ZNF354C: variants seen among roughly 807,000 people sequenced by gnomAD.
ZNF354C encodes the protein zinc finger protein 354C.
Under a neutral mutation model 12.4 loss-of-function variants are expected in ZNF354C, and 7 were observed. The observed-to-expected ratio is 0.56, with a 90% confidence interval of 0.32 to 1.06. The LOEUF (loss-of-function observed/expected upper bound fraction) is 1.06, where lower values mean the gene tolerates loss of function less well. Among genes scored for constraint, ZNF354C ranks in the 50% least tolerant of loss-of-function variants. ZNF354C has a pLI of 0.04. For synonymous variants in ZNF354C, 202 were observed against 224.5 expected (o/e 0.90, Z 0.90); for missense variants, 609 against 658.0 (o/e 0.93, Z 0.81).
In ZNF354C at chr5:179,062,112, G is replaced by A. The variant is rs750457998; in HGVS notation, c.27+17G>A. ...TCTGCTCAGGTGAGAGTGAGTGAAGGTTGTCTTTTTCATCAGTTGGCTTCT... is the reference window on the plus strand; with the variant it reads ...TCTGCTCAGGTGAGAGTGAGTGAAGATTGTCTTTTTCATCAGTTGGCTTCT... On this transcript the variant is annotated intron_variant, in intron 2 of 4. Coordinates refer to ENST00000315475, the MANE Select transcript of ZNF354C (RefSeq NM_014594.3). 6.2e-7 allele frequency: 1 copy of A among 1,614,130 alleles called. No individual in the cohort carries two copies.
At chr5:179,078,500 C>A (rs888276741) in intron 4 of ZNF354C, among the ~76,000 whole-genome samples, 183 bp from the exon 5 acceptor site, 1 of 152,182 alleles carries the variant, frequency 6.6e-6, no homozygotes, top group Non-Finnish European at 1.5e-5. Context: ...CCATGCCATT[C>A]CTTAACCTGT....
chr5:179,072,859 ATG>A (rs371678485), intron 2 of ZNF354C, among the ~76,000 whole-genome samples: 238 of 152,282 alleles, frequency 1.6e-3, no homozygotes, highest in African/African-American at 5.4e-3. Context: ...TATATGTTGT[ATG>A]TGTGTGTATG....
intron 2 of ZNF354C, among the ~76,000 whole-genome samples, chr5:179,066,117 T>C (rs2113109012): frequency 6.6e-6 from 1 of 152,380 alleles, no homozygotes; most frequent in East Asian, 1.9e-4. Context: ...AACATTCATT[T>C]ATATCAGTAT....
chr5:179,082,235 A>G lies in ZNF354C; in HGVS notation c.*2138A>G, dbSNP rs887452055. Reference sequence around the variant, plus strand: ...CAGTGAGATTTGGCTATCAAACTGCATTTCACTACTTCTGGAATAAGCCAG... The same window carrying G: ...CAGTGAGATTTGGCTATCAAACTGCGTTTCACTACTTCTGGAATAAGCCAG... On this transcript the variant is annotated 3_prime_UTR_variant, in exon 5 of 5. Coordinates refer to ENST00000315475, the MANE Select transcript of ZNF354C (RefSeq NM_014594.3). The G allele has an allele frequency of 6.5e-6, 1 of 154,548 alleles. No homozygotes were observed. The highest frequency in any genetic ancestry group is 2.4e-5 in the African/African-American group (1 of 41,470). 9.6% of individuals were successfully genotyped at this position (154,548 alleles called of 1,614,324 possible). A position where few individuals can be genotyped will look rare whatever the true frequency, so the allele number is the denominator to read the frequency against.
Position 179,078,720 on chromosome 5 carries a change from T to C in ZNF354C, c.288T>C (p.His96=), listed in dbSNP as rs757558352. Reference sequence around the variant, plus strand: ...GGCTTGAAACAGAAGCATTGCCTCATAGACAGGACATTTTTATAGAAGAAA... The same window carrying C: ...GGCTTGAAACAGAAGCATTGCCTCACAGACAGGACATTTTTATAGAAGAAA... The part of the protein sequence containing the change: ...KTWLETEALP[H]RQDIFIEETS... Residue 96 remains histidine, a synonymous_variant, in exon 5 of 5, where the codon CAT becomes CAC. Transcript: ENST00000315475. 11 of 1,610,906 alleles carry C rather than the reference T, an allele frequency of 6.8e-6. No homozygotes were observed. The highest frequency in any genetic ancestry group is 2.2e-5 in the East Asian group (1 of 44,826).
At chr5:179,066,136 T>C (rs190495713) in intron 2 of ZNF354C, among the ~76,000 whole-genome samples, 91 of 152,346 alleles carry the variant, frequency 6.0e-4, no homozygotes, top group African/African-American at 2.0e-3. Flanking sequence ...ATGGCAACCA[T>C]GGATCTTTCT....
chr5:179,070,902 G>A (rs540766606), intron 2 of ZNF354C, among the ~76,000 whole-genome samples: 37 of 139,234 alleles, frequency 2.7e-4, no homozygotes, highest in Non-Finnish European at 5.1e-4. Flanking sequence ...AAGCTGGAGT[G>A]TAGTGGTGCG....
rs951925188 is a variant in ZNF354C, at chr5:179,082,999, C to T, written c.*2902C>T. 11 of 771,180 alleles carry T rather than the reference C, an allele frequency of 1.4e-5. No individual in the cohort carries two copies. The highest frequency in any genetic ancestry group is 2.5e-5 in the Non-Finnish European group (11 of 445,448). The allele number at this position is 771,180 out of a possible 1,614,324, so 47.8% of individuals were successfully genotyped here. ...AAGAGCTTCTTGCTATCCCCTACTTCATAGTTAATGAAGCCAAACTGATCT... is the reference window on the plus strand; with the variant it reads ...AAGAGCTTCTTGCTATCCCCTACTTTATAGTTAATGAAGCCAAACTGATCT... On this transcript the variant is annotated 3_prime_UTR_variant, in exon 5 of 5. Transcript: ENST00000315475.
At chr5:179,064,916 A>G (rs1342793233) in intron 2 of ZNF354C, among the ~76,000 whole-genome samples, 1 of 152,142 alleles carries the variant, frequency 6.6e-6, no homozygotes, top group Non-Finnish European at 1.5e-5. Flanking sequence ...TCTTTGCAAT[A>G]TTACATATTT....
chr5:179,079,338 T>C lies in ZNF354C; in HGVS notation c.906T>C (p.Cys302=), dbSNP rs747633768. The C allele has an allele frequency of 6.4e-5, 104 of 1,614,056 alleles. No homozygotes were observed. Among genetic ancestry groups the C allele is most frequent in the Admixed American group, 5.7e-4 (34 of 60,004 alleles). Residue 302 remains cysteine (C), a synonymous_variant, in exon 5 of 5, where the codon TGT becomes TGC. Coordinates refer to ENST00000315475, the MANE Select transcript of ZNF354C (RefSeq NM_014594.3). The surrounding 1 kb of genome is among the most constrained non-coding windows in gnomAD (Gnocchi z 4.2). ...RVHTGEKPYR[C]RECGKAFSQC... is the part of the protein sequence containing the mutation. Reference sequence around the variant, plus strand: ...ATACTGGAGAGAAACCGTATCGATGTAGGGAATGTGGTAAAGCCTTTAGCC... The same window carrying C: ...ATACTGGAGAGAAACCGTATCGATGCAGGGAATGTGGTAAAGCCTTTAGCC...
rs770709110 is a variant in ZNF354C at position 179,079,038 on chromosome 5, T to G, written c.606T>G (p.Asp202Glu). The stretch of plus-strand genomic sequence containing the variant: ...GGAAAGATTTTAAACAGAATTTTGA[T>G]CTCATGAAATGCTTCCAGATTTACC... ...TFGKDFKQNF[D>E]LMKCFQIYPG... The change falls in exon 5 of 5, where the codon GAT (aspartate) becomes GAG (glutamate). Residue 202 changes from aspartate (D) to glutamate (E), a missense_variant. Transcript: ENST00000315475. The surrounding 1 kb of genome is among the most constrained non-coding windows in gnomAD (Gnocchi z 4.2). The G allele has an allele frequency of 1.2e-6, 2 of 1,612,998 alleles. No individual in the cohort carries two copies. The highest frequency in any genetic ancestry group is 1.7e-6 in the Non-Finnish European group (2 of 1,179,808).
intron 2 of ZNF354C, among the ~76,000 whole-genome samples, chr5:179,063,127 T>A (rs908297953): frequency 6.6e-6 from 1 of 152,226 alleles, no homozygotes; most frequent in African/African-American, 2.4e-5. Flanking sequence ...AAATGTGGAC[T>A]CAGGAGCTTG....
At position 179,083,355 on chromosome 5, in the gene ZNF354C, G is replaced by GTT; in HGVS notation, c.*3267_*3268dup. 6.4e-6 allele frequency: 1 copy of GTT among 156,016 alleles called. No individual in the cohort carries two copies. The highest frequency in any genetic ancestry group is 1.4e-5 in the Non-Finnish European group (1 of 71,616). The allele number at this position is 156,016 out of a possible 1,614,324, so 9.7% of individuals were successfully genotyped here. A position where few individuals can be genotyped will look rare whatever the true frequency, so the allele number is the denominator to read the frequency against. On this transcript the variant is annotated 3_prime_UTR_variant, in exon 5 of 5. Transcript: ENST00000315475. Reference sequence around the variant, plus strand: ...TAATTCTTAGGAGATGCATGCAGAAGTTTTTTTTTTAAGTTTTGAAAAGTC... The same window carrying GTT: ...TAATTCTTAGGAGATGCATGCAGAAGTTTTTTTTTTTTAAGTTTTGAAAAGTC...
intron 2 of ZNF354C, among the ~76,000 whole-genome samples, 159 bp downstream of exon 2, chr5:179,062,254 G>C (rs887097989): frequency 6.6e-6 from 1 of 152,172 alleles, no homozygotes; most frequent in African/African-American, 2.4e-5. Flanking sequence ...GCTTAGCAAG[G>C]GGCTGCTGAG....
chr5:179,074,005 A>G (rs1476429384), intron 2 of ZNF354C, among the ~76,000 whole-genome samples: 2 of 148,874 alleles, frequency 1.3e-5, no homozygotes, highest in Non-Finnish European at 3.0e-5. Flanking sequence ...GTTTTTTCAG[A>G]AAGAGTCTCG....
intron 2 of ZNF354C, among the ~76,000 whole-genome samples, chr5:179,070,180 G>A (rs111227219): frequency 2.0e-4 from 31 of 152,148 alleles, no homozygotes; most frequent in Non-Finnish European, 8.8e-5. Context: ...TGTGAACTGC[G>A]CACGTGAGGG....
intron 2 of ZNF354C, among the ~76,000 whole-genome samples, chr5:179,066,367 A>G (rs938595277): frequency 1.3e-5 from 2 of 152,220 alleles, no homozygotes; most frequent in African/African-American, 4.8e-5. Context: ...CACTGTTACT[A>G]TTATTAATTT....
Position 179,060,498 on chromosome 5 carries a change from C to A in ZNF354C, c.-223C>A. On this transcript the variant is annotated 5_prime_UTR_variant, in exon 1 of 5. Coordinates refer to ENST00000315475, the MANE Select transcript of ZNF354C (RefSeq NM_014594.3). This position sits in a 1 kb window ranked among gnomAD's most constrained non-coding sequence, Gnocchi z 4.2. Reference sequence around the variant, plus strand: ...GTTGAGGCGCTCGCAGTGGTCTCTTCCGGGCCGGGGTGGATCCGGGCCTCT... The same window carrying A: ...GTTGAGGCGCTCGCAGTGGTCTCTTACGGGCCGGGGTGGATCCGGGCCTCT... The A allele has an allele frequency of 6.6e-6, 1 of 152,512 alleles. No homozygotes were observed. Among genetic ancestry groups the A allele is most frequent in the Non-Finnish European group, 1.5e-5 (1 of 68,188 alleles). 9.4% of individuals were successfully genotyped at this position (152,512 alleles called of 1,614,324 possible).
chr5:179,067,878 G>T (rs539858060), intron 2 of ZNF354C, among the ~76,000 whole-genome samples: 2 of 152,060 alleles, frequency 1.3e-5, no homozygotes, highest in South Asian at 2.1e-4. Context: ...TGAGGTTTGA[G>T]GCTGGACATA....
Sources: allele counts gnomAD v4.1 joint callset (sites outside exome capture counted in the v4.1 genomes callset), GRCh38; gene constraint gnomAD v4.1.1; non-coding constraint Gnocchi (gnomAD v3.1); transcripts MANE v1.5; gene names NCBI Gene and HGNC (gene_info 2026-07-23, HGNC 2026-07-21).